DCDC1: variants seen among roughly 807,000 people sequenced by gnomAD.
The protein encoded by DCDC1 is doublecortin domain-containing protein 1.
A neutral mutation model predicts 178.3 loss-of-function variants in DCDC1; 200 were observed. The observed-to-expected ratio is 1.12, with a 90% CI of 1.00 to 1.26. DCDC1 has a LOEUF of 1.26. Among genes scored for constraint, DCDC1 ranks in the 50% most tolerant of loss-of-function variants. The probability of loss-of-function intolerance (pLI) is 0.00; values close to 1 mark genes in which losing one functional copy is unlikely to be tolerated. For missense variants in DCDC1, 1,983 were observed against 1,749.2 expected (o/e 1.13, Z -2.38); for synonymous variants, 690 against 604.8 (o/e 1.14, Z -2.07).
rs551692365 is a variant in DCDC1, at chr11:31,291,576, G to A, written c.755-724C>T. Among the ~76,000 whole-genome samples, 20 of 152,086 alleles carry A rather than the reference G, an allele frequency of 1.3e-4. No individual in the cohort carries two copies. In the East Asian group the frequency reaches 3.9e-3, roughly 29 times the overall value. On this transcript the variant is annotated intron_variant, in intron 6 of 38. Transcript: ENST00000684477. ...GGTAAGAAGAGGAGTGCAGTATATT[G>A]CATACTAAGTTGCCATCAGCATTCT...
intron 3 of DCDC1, among the ~76,000 whole-genome samples, chr11:31,327,853 G>A (rs1446952447): frequency 6.6e-6 from 1 of 151,874 alleles, no homozygotes; most frequent in African/African-American, 2.4e-5. Context: ...TTAGCCTTCC[G>A]AGTAGCTGAG....
chr11:30,915,814 C>G, intron 26 of DCDC1, 103 bp from the exon 27 acceptor site: 1 of 1,120,676 alleles, frequency 8.9e-7, no homozygotes. Context: ...AGAGCTCCAA[C>G]GTGAAACACG....
At chr11:31,300,621 C>G (rs757565085) in intron 6 of DCDC1, among the ~76,000 whole-genome samples, 25 of 152,050 alleles carry the variant, frequency 1.6e-4, no homozygotes, top group Non-Finnish European at 3.7e-4. Flanking sequence ...TTTCTCACAA[C>G]TCTCCTAACA....
At chr11:31,023,845 AG>A (rs2135225689) in intron 20 of DCDC1, among the ~76,000 whole-genome samples, 1 of 152,200 alleles carries the variant, frequency 6.6e-6, no homozygotes, top group South Asian at 2.1e-4. Context: ...AAGGCAATCT[AG>A]CTTTTAAAAT....
chr11:31,100,274 C>CA (rs1379407572), intron 15 of DCDC1, among the ~76,000 whole-genome samples: 4 of 152,066 alleles, frequency 2.6e-5, no homozygotes, highest in African/African-American at 9.7e-5. Context: ...AACAAGCAAA[C>CA]AAAAAAATCC....
At chr11:30,913,657 G>A (rs995075783) in intron 27 of DCDC1, among the ~76,000 whole-genome samples, 3 of 152,184 alleles carry the variant, frequency 2.0e-5, no homozygotes, top group Non-Finnish European at 4.4e-5. Context: ...TGCAAAGTGG[G>A]AGGAGATGGA....
chr11:31,347,531 A>T (rs1338891613), intron 1 of DCDC1, among the ~76,000 whole-genome samples: 1 of 152,188 alleles, frequency 6.6e-6, no homozygotes, highest in African/African-American at 2.4e-5. Context: ...ATTTCATACA[A>T]CTTACTAAAT....
chr11:31,096,904 TG>T (rs1958194222), intron 15 of DCDC1, among the ~76,000 whole-genome samples: 3 of 152,194 alleles, frequency 2.0e-5, no homozygotes, highest in African/African-American at 7.2e-5. Flanking sequence ...ATATGCCATA[TG>T]TATGTATGTG....
chr11:31,153,585 C>A (rs995811343), intron 9 of DCDC1, among the ~76,000 whole-genome samples: 1 of 152,044 alleles, frequency 6.6e-6, no homozygotes, highest in Non-Finnish European at 1.5e-5. Flanking sequence ...GAGTTCCAGA[C>A]CAGCCTGGCC....
chr11:30,992,529 T>C (rs1160515920), intron 20 of DCDC1: 1 of 152,164 alleles, frequency 6.6e-6, no homozygotes, highest in Admixed American at 6.6e-5. Context: ...CAGAAAGAAA[T>C]TGCCTTCCAA....
chr11:30,903,609 T>G lies in DCDC1; in HGVS notation c.4383A>C (p.Pro1461=). The change falls in exon 32 of 39, where the codon CCA becomes CCC. Residue 1461 remains proline, a synonymous_variant. Transcript: ENST00000684477. ...AAACCAAATCACGCAAGGTAAAGATTGGGGTTCCATCTTTGGTATATACTT... is the reference window on the plus strand; with the variant it reads ...AAACCAAATCACGCAAGGTAAAGATGGGGGTTCCATCTTTGGTATATACTT... ...ASKVYTKDGT[P]IFTLRDLVLW... 1.2e-6 allele frequency: 2 copies of G among 1,611,412 alleles called. No homozygotes were observed. The highest frequency in any genetic ancestry group is 1.7e-6 in the Non-Finnish European group (2 of 1,178,788).
At chr11:30,926,983 C>T (rs1351183405) in intron 22 of DCDC1, among the ~76,000 whole-genome samples, 5 of 152,124 alleles carry the variant, frequency 3.3e-5, no homozygotes, top group African/African-American at 4.8e-5. Flanking sequence ...AGCTCCACAG[C>T]AGTGGAGCTC....
At chr11:30,949,500 A>G (rs534014145) in intron 21 of DCDC1, among the ~76,000 whole-genome samples, 1 of 152,216 alleles carries the variant, frequency 6.6e-6, no homozygotes, top group Non-Finnish European at 1.5e-5. Context: ...CAATCCCATT[A>G]CTTGGTATAT....
At position 31,091,484 on chromosome 11, in the gene DCDC1, T is replaced by A; in HGVS notation, c.2146A>T (p.Thr716Ser). The A allele has an allele frequency of 1.3e-6, 1 of 759,670 alleles. No individual in the cohort carries two copies. The highest frequency in any genetic ancestry group is 2.4e-6 in the Non-Finnish European group (1 of 414,622). The allele number at this position is 759,670 out of a possible 1,614,324, so 47.1% of individuals were successfully genotyped here. ...KTGMILSRAI[T>S]QGCLAIGHPI... Reference sequence around the variant, plus strand: ...TGACCAATAGCCAGGCAGCCCTGAGTTATCGCTCGGCTCAGGATCATTCCA... The same window carrying A: ...TGACCAATAGCCAGGCAGCCCTGAGATATCGCTCGGCTCAGGATCATTCCA... Residue 716 changes from threonine (T) to serine (S), a missense_variant, in exon 17 of 39, where the codon ACT becomes TCT. Thr to Ser is a moderately conservative substitution (Grantham distance 58, BLOSUM62 1). Transcript: ENST00000684477.
At chr11:31,219,275 T>C (rs1973975803) in intron 9 of DCDC1, among the ~76,000 whole-genome samples, 1 of 152,232 alleles carries the variant, frequency 6.6e-6, no homozygotes, top group Admixed American at 6.5e-5. Flanking sequence ...GATAAAGTTA[T>C]GTCAAAAACA....
At chr11:31,085,138 T>C (rs1178250225) in intron 17 of DCDC1, among the ~76,000 whole-genome samples, 3 of 151,636 alleles carry the variant, frequency 2.0e-5, no homozygotes, top group African/African-American at 7.3e-5. Context: ...TTCCTTATCA[T>C]TTTTATTTTT....
intron 9 of DCDC1, among the ~76,000 whole-genome samples, chr11:31,241,203 T>C (rs1366331676): frequency 2.0e-5 from 3 of 151,990 alleles, no homozygotes; most frequent in Non-Finnish European, 4.4e-5. Flanking sequence ...TGCCTTCACT[T>C]TGCCCAGTAT....
At chr11:30,954,598 A>T (rs1421322143) in intron 20 of DCDC1, among the ~76,000 whole-genome samples, 2 of 152,242 alleles carry the variant, frequency 1.3e-5, no homozygotes, top group Non-Finnish European at 2.9e-5. Flanking sequence ...AATCAGTATT[A>T]GCCAATAAAA....
intron 9 of DCDC1, among the ~76,000 whole-genome samples, chr11:31,195,216 C>A (rs1015540689): frequency 6.6e-6 from 1 of 152,086 alleles, no homozygotes; most frequent in African/African-American, 2.4e-5. Context: ...GAAGAGTGGA[C>A]TTCAGTTAAA....
Sources: gnomAD v4.1 joint callset for allele counts (sites outside exome capture counted in the v4.1 genomes callset) on GRCh38, gnomAD v4.1.1 for gene constraint, MANE v1.5 for transcripts, NCBI Gene and HGNC (gene_info 2026-07-23, HGNC 2026-07-21) for gene names.